CSMD1: variants seen among roughly 807,000 people sequenced by gnomAD.
CSMD1 encodes CUB and sushi domain-containing protein 1.
Under a neutral mutation model 417.5 loss-of-function variants are expected in CSMD1, and 213 were observed. The ratio of observed to expected loss-of-function variants is 0.51; its 90% CI spans 0.46 to 0.57. CSMD1 has a LOEUF of 0.57. CSMD1 is among the 20% of genes least tolerant of loss of function. The pLI is 0.00. For missense variants in CSMD1, 6,923 were observed against 4,529.7 expected (o/e 1.53, Z -15.17); for synonymous variants, 2,862 against 1,736.8 (o/e 1.65, Z -16.11).
chr8:4,241,503 C>T (rs915474649), intron 3 of CSMD1, among the ~76,000 whole-genome samples: 5 of 152,188 alleles, frequency 3.3e-5, no homozygotes, highest in Non-Finnish European at 7.4e-5. Context: ...CTTTGAATGT[C>T]TGTGCCCCCA....
intron 1 of CSMD1, among the ~76,000 whole-genome samples, chr8:4,691,857 C>G (rs914947472): frequency 3.3e-5 from 5 of 152,212 alleles, no homozygotes; most frequent in Non-Finnish European, 7.3e-5. Context: ...TGTTTTCACA[C>G]TTCTCAAACA....
chr8:3,240,749 G>T (rs946375722), intron 26 of CSMD1, among the ~76,000 whole-genome samples: 1 of 152,132 alleles, frequency 6.6e-6, no homozygotes, highest in African/African-American at 2.4e-5. Context: ...GAGGTTAGGA[G>T]AGTATATGGG....
intron 49 of CSMD1, among the ~76,000 whole-genome samples, chr8:3,060,979 G>C (rs1415548509): frequency 6.6e-6 from 1 of 152,162 alleles, no homozygotes; most frequent in Non-Finnish European, 1.5e-5. Flanking sequence ...GTGAACAATG[G>C]TGTGAAACCA....
intron 5 of CSMD1, among the ~76,000 whole-genome samples, chr8:3,895,598 T>C (rs1355781866): frequency 6.6e-6 from 1 of 152,216 alleles, no homozygotes; most frequent in Non-Finnish European, 1.5e-5. Context: ...AATGCCCATA[T>C]ATGTACCATT....
In CSMD1 at chr8:4,015,435, G is replaced by A. The variant is rs1396945843; in HGVS notation, c.610+16470C>T. Among the ~76,000 whole-genome samples the A allele has an allele frequency of 6.6e-5, 10 of 152,158 alleles. No homozygotes were observed. In the East Asian group the frequency reaches 1.7e-3, roughly 27 times the overall value. ...CTGACAGTTCATATAGAATTGGCAA[G>A]TGACATATTGCCATTTCCAGTCACA... On this transcript the variant is annotated intron_variant, in intron 4 of 69. Coordinates refer to ENST00000635120, the MANE Select transcript of CSMD1 (RefSeq NM_033225.6).
chr8:3,333,348 G>C (rs4395910), intron 23 of CSMD1, among the ~76,000 whole-genome samples: 10 of 151,996 alleles, frequency 6.6e-5, no homozygotes, highest in African/African-American at 2.2e-4. Flanking sequence ...AGAAAACTAA[G>C]GTACACAACA....
chr8:3,757,004 T>C (rs149719255), intron 5 of CSMD1, among the ~76,000 whole-genome samples: 2 of 152,196 alleles, frequency 1.3e-5, no homozygotes, highest in Non-Finnish European at 2.9e-5. Context: ...GGTCTCACTA[T>C]GTTGTCCAGA....
At position 3,000,048 on chromosome 8, in the gene CSMD1, G is replaced by C. The variant is rs565236813; in HGVS notation, c.8113C>G (p.Gln2705Glu). ...ACAAGCCGGAAACCAGGATTGCACT[G>C]GTAAACCACCGTGTCTCTGTAACTG... ...GFSYRDTVVY[Q>E]CNPGFRLVGT... Residue 2705 changes from glutamine to glutamate, a missense_variant, in exon 53 of 70, where the codon CAG (glutamine) becomes GAG (glutamate). Physicochemically the swap from Gln to Glu is conservative, Grantham distance 29. Coordinates refer to ENST00000635120, the MANE Select transcript of CSMD1 (RefSeq NM_033225.6). 3 of 1,604,848 alleles carry C rather than the reference G, an allele frequency of 1.9e-6. No individual in the cohort carries two copies. Among genetic ancestry groups the C allele is most frequent in the South Asian group, 2.2e-5 (2 of 89,932 alleles).
intron 52 of CSMD1, among the ~76,000 whole-genome samples, chr8:3,002,856 G>T (rs1038513388): frequency 6.6e-6 from 1 of 152,106 alleles, no homozygotes; most frequent in South Asian, 2.1e-4. Context: ...TGGTCATTTC[G>T]GTTCTCTGAG....
At chr8:3,952,291 C>G (rs868300086) in intron 5 of CSMD1, among the ~76,000 whole-genome samples, 4 of 152,058 alleles carry the variant, frequency 2.6e-5, no homozygotes, top group African/African-American at 9.7e-5. Context: ...CTAGAGGCTA[C>G]GCGAAAGGTG....
At chr8:4,154,198 T>C (rs572363234) in intron 3 of CSMD1, among the ~76,000 whole-genome samples, 3 of 152,258 alleles carry the variant, frequency 2.0e-5, no homozygotes, top group East Asian at 1.9e-4. Context: ...GCCACATCTA[T>C]TCAGGAAGAA....
chr8:3,562,182 A>G (rs1416173619), intron 10 of CSMD1, among the ~76,000 whole-genome samples: 4 of 152,236 alleles, frequency 2.6e-5, no homozygotes, highest in African/African-American at 9.6e-5. Flanking sequence ...AGGTGGGGAA[A>G]GATGGAAAGT....
intron 5 of CSMD1, among the ~76,000 whole-genome samples, chr8:3,852,558 G>A (rs976890215): frequency 1.3e-5 from 2 of 152,142 alleles, no homozygotes; most frequent in African/African-American, 4.8e-5. Flanking sequence ...GAGGAAGGTG[G>A]GAGGAGGGAT....
intron 5 of CSMD1, among the ~76,000 whole-genome samples, chr8:3,783,924 T>C (rs970051756): frequency 6.6e-6 from 1 of 152,206 alleles, no homozygotes; most frequent in Non-Finnish European, 1.5e-5. Flanking sequence ...GGCTGCAGTT[T>C]GAATACCCCA....
chr8:4,848,581 C>A (rs1209088844), intron 1 of CSMD1, among the ~76,000 whole-genome samples: 1 of 151,974 alleles, frequency 6.6e-6, no homozygotes, highest in Non-Finnish European at 1.5e-5. Flanking sequence ...CTCTGTCACC[C>A]AGGCCTGCGG....
chr8:2,992,186 C>G (rs1047985654), intron 54 of CSMD1, among the ~76,000 whole-genome samples: 1 of 89,692 alleles, frequency 1.1e-5, no homozygotes, highest in Non-Finnish European at 2.0e-5. Flanking sequence ...CATGAACACA[C>G]ACATGCACAC....
chr8:4,063,161 G>C (rs780716299), intron 3 of CSMD1, among the ~76,000 whole-genome samples: 1 of 152,132 alleles, frequency 6.6e-6, no homozygotes, highest in African/African-American at 2.4e-5. Flanking sequence ...ATTTGGAAAT[G>C]ATAAATGTTG....
In CSMD1 at chr8:3,939,251, G is replaced by GA. The variant is rs963985593; in HGVS notation, c.818+58651dup. Among the ~76,000 whole-genome samples the GA allele has an allele frequency of 2.4e-4, 35 of 148,604 alleles. No individual in the cohort carries two copies. In the East Asian group the frequency reaches 5.2e-3, roughly 22 times the overall value. ...CTTTTAAAATCCATGTTTTACATAT[G>GA]AAAAAAAATGCTCAACATCATTAAT... On this transcript the variant is annotated intron_variant, in intron 5 of 69. Coordinates refer to ENST00000635120, the MANE Select transcript of CSMD1 (RefSeq NM_033225.6).
chr8:4,031,885 G>T lies in CSMD1; in HGVS notation c.610+20C>A. 6.3e-7 allele frequency: 1 copy of T among 1,585,980 alleles called. No individual in the cohort carries two copies. Among genetic ancestry groups the T allele is most frequent in the Non-Finnish European group, 8.6e-7 (1 of 1,161,996 alleles). On this transcript the variant is annotated intron_variant, in intron 4 of 69. Coordinates refer to ENST00000635120, the MANE Select transcript of CSMD1 (RefSeq NM_033225.6). ...GCCCTGCCCTGGAGTCTGCTCACCA[G>T]CCCCCTTGTAGCACTGTACCTCTGC...
Sources: allele counts gnomAD v4.1 joint callset (sites outside exome capture counted in the v4.1 genomes callset), GRCh38; gene constraint gnomAD v4.1.1; transcripts MANE v1.5; gene names NCBI Gene and HGNC (gene_info 2026-07-23, HGNC 2026-07-21).